The following NXPE1 variants were observed in gnomAD, a reference collection of about 807,000 sequenced individuals.
NXPE1 encodes NXPE family member 1.
A neutral mutation model predicts 33.3 loss-of-function variants in NXPE1; 31 were observed. The observed-to-expected ratio is 0.93, with a 90% CI of 0.70 to 1.26. The LOEUF (loss-of-function observed/expected upper bound fraction) is 1.26. Among genes scored for constraint, NXPE1 ranks in the 50% most tolerant of loss-of-function variants. The probability of loss-of-function intolerance (pLI) is 0.00; values close to 1 mark genes in which losing one functional copy is unlikely to be tolerated. For missense variants in NXPE1, 661 were observed against 655.6 expected, an observed-to-expected ratio of 1.01 and a Z score of -0.09; for synonymous variants, 229 against 231.4, an observed-to-expected ratio of 0.99 and a Z score of 0.09.
At chr11:114,546,457 T>G (rs537715902) in intron 5 of NXPE1, among the ~76,000 whole-genome samples, 1 of 132,876 alleles carries the variant, frequency 7.5e-6, no homozygotes, top group East Asian at 2.2e-4. Flanking sequence ...TACATATATA[T>G]ATTTTTTCTT....
intron 7 of NXPE1, among the ~76,000 whole-genome samples, chr11:114,525,841 G>A (rs919793371): frequency 1.1e-4 from 17 of 152,246 alleles, no homozygotes; most frequent in African/African-American, 3.8e-4. Flanking sequence ...GTCTTTGTTC[G>A]GGGCTCAGCC....
chr11:114,551,968 C>T lies in NXPE1; in HGVS notation c.-70+6G>A, dbSNP rs201666527. The stretch of plus-strand genomic sequence containing the variant: ...AAATGTAAAGCCTTGCCTCTTTGTC[C>T]CTTACCAAATCCTCAGTGAAGTCTC... On this transcript the variant is annotated splice_donor_region_variant and intron_variant, in intron 3 of 8. Coordinates refer to ENST00000534921, the Ensembl canonical transcript of NXPE1. The T allele has an allele frequency of 3.3e-5, 5 of 152,140 alleles. No homozygotes were observed. In the East Asian group the frequency reaches 9.7e-4, roughly 29 times the overall value. 9.4% of individuals were successfully genotyped at this position (152,140 alleles called of 1,614,324 possible).
At chr11:114,523,930 A>G (rs1429642482) in intron 7 of NXPE1, among the ~76,000 whole-genome samples, 1 of 152,258 alleles carries the variant, frequency 6.6e-6, no homozygotes, top group African/African-American at 2.4e-5. Flanking sequence ...GACCAAGATA[A>G]TAATGACTTA....
At chr11:114,536,791 T>C (rs1409311653) in intron 5 of NXPE1, among the ~76,000 whole-genome samples, 2 of 152,134 alleles carry the variant, frequency 1.3e-5, no homozygotes, top group Admixed American at 6.5e-5. Flanking sequence ...CAATAATTAA[T>C]AGCTTACCAA....
In NXPE1 at chr11:114,533,665, C is replaced by T. The variant is rs543043681; in HGVS notation, c.100-2757G>A. Among the ~76,000 whole-genome samples, 434 of 152,334 alleles carry T rather than the reference C, an allele frequency of 2.8e-3. 3 individuals carry two copies. Among genetic ancestry groups the T allele is most frequent in the African/African-American group, 9.3e-3 (385 of 41,574 alleles). On this transcript the variant is annotated intron_variant, in intron 5 of 8. Coordinates refer to ENST00000534921, the Ensembl canonical transcript of NXPE1. ...CCCGCACCTGGCTCAGAGGGTCCTA[C>T]GCCCACGGAGCCTTGCTCATTGCTA...
rs546795931 is a variant in NXPE1, at chr11:114,533,301, C to T, written c.100-2393G>A. 8.5e-5 allele frequency among the ~76,000 whole-genome samples: 13 copies of T among 152,184 alleles called. No individual in the cohort carries two copies. In the East Asian group the frequency reaches 1.5e-3, roughly 18 times the overall value. On this transcript the variant is annotated intron_variant, in intron 5 of 8. Transcript: ENST00000534921. Reference sequence around the variant, plus strand: ...TTAAATTATAGACAATACATTCGAGCGGGGTGGAGCCAAGATGGCAGAATA... The same window carrying T: ...TTAAATTATAGACAATACATTCGAGTGGGGTGGAGCCAAGATGGCAGAATA...
intron 1 of NXPE1, among the ~76,000 whole-genome samples, chr11:114,554,962 C>T (rs1948614010): frequency 6.6e-6 from 1 of 152,056 alleles, no homozygotes; most frequent in African/African-American, 2.4e-5. Flanking sequence ...CCTCAAGGTG[C>T]ACACCCTAAC....
chr11:114,520,202 C>T (rs1000759373), downstream of NXPE1, among the ~76,000 whole-genome samples: 2 of 152,158 alleles, frequency 1.3e-5, no homozygotes, highest in South Asian at 4.1e-4. Context: ...TACATTAGCT[C>T]TCTAGACATT....
chr11:114,545,026 A>G (rs1298198909), intron 5 of NXPE1, among the ~76,000 whole-genome samples: 4 of 152,192 alleles, frequency 2.6e-5, no homozygotes, highest in Non-Finnish European at 5.9e-5. Context: ...ATACATATCA[A>G]TTAGAATGGC....
chr11:114,522,402 G>A (rs1947240314), exon 9 of NXPE1: 3 of 1,613,904 alleles, frequency 1.9e-6, no homozygotes, highest in African/African-American at 2.7e-5. Context: ...GTGACGAAGG[G>A]ATAGCTATGT....
intron 7 of NXPE1, among the ~76,000 whole-genome samples, chr11:114,524,259 T>A (rs1301398727): frequency 9.5e-6 from 1 of 104,836 alleles, no homozygotes; most frequent in Non-Finnish European, 1.8e-5. Context: ...AGGATAGCCA[T>A]GGGTCTAGCC....
chr11:114,544,073 G>T (rs1948192303), intron 5 of NXPE1, among the ~76,000 whole-genome samples: 1 of 152,114 alleles, frequency 6.6e-6, no homozygotes, highest in African/African-American at 2.4e-5. Flanking sequence ...ATTAATGGAA[G>T]AAATTTTAAA....
chr11:114,534,932 G>A (rs536830313), intron 5 of NXPE1, among the ~76,000 whole-genome samples: 152 of 152,140 alleles, frequency 1.0e-3, no homozygotes, highest in African/African-American at 2.8e-3. Context: ...TACAGAGAAC[G>A]CCACTAAGAT....
chr11:114,522,824 A>T, intron 8 of NXPE1, 55 bp downstream of exon 8: 1 of 1,314,794 alleles, frequency 7.6e-7, no homozygotes, highest in Non-Finnish European at 1.1e-6. Flanking sequence ...AGACCTCATT[A>T]AAAGTACTTT....
chr11:114,554,996 T>C (rs957577611), intron 1 of NXPE1, among the ~76,000 whole-genome samples: 10 of 151,786 alleles, frequency 6.6e-5, no homozygotes, highest in Admixed American at 2.0e-4. Flanking sequence ...GAGACATAAA[T>C]CCCTATCTTG....
intron 1 of NXPE1, chr11:114,554,237 C>T (rs1948597510): frequency 5.1e-6 from 5 of 977,072 alleles, no homozygotes; most frequent in Non-Finnish European, 6.1e-6. Context: ...CACAACCTTT[C>T]CTGGCCTCTA....
chr11:114,558,623 T>C lies in NXPE1; in HGVS notation c.-211+1175A>G, dbSNP rs78060147. Among the ~76,000 whole-genome samples, 783 of 152,332 alleles carry C rather than the reference T, an allele frequency of 5.1e-3. 10 individuals carry two copies. The highest frequency in any genetic ancestry group is 0.018 in the African/African-American group (749 of 41,578). ...ACTTTTATGTTTAAATGTGATGTAT[T>C]ACATTCGTATATTTTCTAAAGCTAA... On this transcript the variant is annotated intron_variant, in intron 1 of 8. Coordinates refer to ENST00000534921, the Ensembl canonical transcript of NXPE1.
intron 1 of NXPE1, among the ~76,000 whole-genome samples, 183 bp from the exon 2 acceptor site, chr11:114,553,063 C>T (rs1462263251): frequency 6.6e-6 from 1 of 152,224 alleles, no homozygotes; most frequent in African/African-American, 2.4e-5. Context: ...TGCACCAACA[C>T]TGCTCAATCT....
rs780681023 is a variant in NXPE1, at chr11:114,551,179, TG to T, written c.22del (p.Gln8LysfsTer5). On this transcript the variant is annotated frameshift_variant, in exon 5 of 9. Coordinates refer to ENST00000534921, the Ensembl canonical transcript of NXPE1. LOFTEE classifies it high-confidence loss of function. ...AGAGATCAAGATCAGCAGCGTTTTT[TG>T]AAGCATTGTATTTGAGGACATGACG... 1.3e-5 allele frequency: 20 copies of T among 1,534,936 alleles called. No homozygotes were observed. The highest frequency in any genetic ancestry group is 2.7e-5 in the African/African-American group (2 of 73,004).
Sources: allele counts gnomAD v4.1 joint callset (sites outside exome capture counted in the v4.1 genomes callset), GRCh38; gene constraint gnomAD v4.1.1; transcripts MANE v1.5; gene names NCBI Gene and HGNC (gene_info 2026-07-23, HGNC 2026-07-21).